The following ANKRD18B variants were observed in gnomAD, a reference collection of about 807,000 sequenced individuals.
The protein encoded by ANKRD18B is ankyrin repeat domain 18B.
ANKRD18B carries 75 observed loss-of-function variants against 111.8 expected under a neutral mutation model. The ratio of observed to expected loss-of-function variants is 0.67; its 90% CI spans 0.56 to 0.81. ANKRD18B has a LOEUF of 0.81. Ranked by LOEUF, ANKRD18B falls within the 40% of genes least tolerant of loss-of-function variation. The pLI is 0.00. For synonymous variants in ANKRD18B, 356 were observed against 417.3 expected, an observed-to-expected ratio of 0.85 and a Z score of 1.79; for missense variants, 1,038 against 1,225.5, an observed-to-expected ratio of 0.85 and a Z score of 2.28.
chr9:33,532,524 G>A (rs1163900205), intron 3 of ANKRD18B, among the ~76,000 whole-genome samples: 6 of 152,064 alleles, frequency 3.9e-5, no homozygotes, highest in Non-Finnish European at 7.4e-5. Context: ...ATTTTCACTG[G>A]TCTCTCTTAC....
intron 3 of ANKRD18B, among the ~76,000 whole-genome samples, chr9:33,532,195 C>T (rs1405691285): frequency 1.3e-5 from 2 of 151,998 alleles, no homozygotes; most frequent in Non-Finnish European, 2.9e-5. Flanking sequence ...GATCATGCCA[C>T]TGCACTCCAG....
intron 14 of ANKRD18B, among the ~76,000 whole-genome samples, chr9:33,564,505 G>C (rs1327797110): frequency 6.6e-6 from 1 of 152,232 alleles, no homozygotes; most frequent in Non-Finnish European, 1.5e-5. Context: ...CAGTAAACAT[G>C]TGAGGAAAAG....
intron 12 of ANKRD18B, among the ~76,000 whole-genome samples, 199 bp downstream of exon 12, chr9:33,550,778 T>C (rs1828435283): frequency 6.6e-6 from 1 of 152,204 alleles, no homozygotes; most frequent in Non-Finnish European, 1.5e-5. Context: ...AATAATTGCA[T>C]ATGTTTTCTC....
At chr9:33,567,588 A>G (rs1337969618) in intron 16 of ANKRD18B, among the ~76,000 whole-genome samples, 6 of 152,060 alleles carry the variant, frequency 3.9e-5, no homozygotes, top group African/African-American at 1.4e-4. Flanking sequence ...TTCACTAAGT[A>G]TTTTTGAAGC....
intron 14 of ANKRD18B, among the ~76,000 whole-genome samples, chr9:33,562,340 C>T (rs915708710): frequency 6.6e-6 from 1 of 151,486 alleles, no homozygotes; most frequent in Non-Finnish European, 1.5e-5. Context: ...TTCACAGATC[C>T]TCTTTCCACC....
At chr9:33,542,582 C>T (rs1828295948) in intron 9 of ANKRD18B, among the ~76,000 whole-genome samples, 2 of 152,008 alleles carry the variant, frequency 1.3e-5, no homozygotes, top group African/African-American at 4.8e-5. Flanking sequence ...ACTATGGTCT[C>T]TGGGCTGGTC....
intron 15 of ANKRD18B, 163 bp from the exon 16 acceptor site, chr9:33,566,940 G>A (rs1427801098): frequency 1.1e-5 from 7 of 651,762 alleles, no homozygotes; most frequent in East Asian, 3.0e-5. Flanking sequence ...TCTGAATTCA[G>A]TTATTAGTTT....
chr9:33,543,098 A>G, intron 9 of ANKRD18B, 87 bp from the exon 10 acceptor site: 1 of 1,177,310 alleles, frequency 8.5e-7, no homozygotes, highest in Non-Finnish European at 1.2e-6. Flanking sequence ...TTATAAAAGA[A>G]AAGTGTGTGT....
Position 33,548,670 on chromosome 9 carries a change from G to A in ANKRD18B, c.1882G>A (p.Glu628Lys), listed in dbSNP as rs1417354750. ...RQRELENLLL[E>K]RQLEDARKEG... Reference sequence around the variant, plus strand: ...ACGAGAACTTGAAAATCTCTTGCTTGAACGACAACTAGAGGATGCTCGTAA... The same window carrying A: ...ACGAGAACTTGAAAATCTCTTGCTTAAACGACAACTAGAGGATGCTCGTAA... Residue 628 changes from glutamate to lysine, a missense_variant, in exon 11 of 19, where the codon GAA becomes AAA. Around this residue, in one of 4 missense-constraint regions of ANKRD18B, gnomAD observed 524 missense variants for 677.9 expected, o/e 0.77. Transcript: ENST00000684830. 13 of 1,551,088 alleles carry A rather than the reference G, an allele frequency of 8.4e-6. No individual in the cohort carries two copies. Among genetic ancestry groups the A allele is most frequent in the Non-Finnish European group, 1.1e-5 (13 of 1,146,674 alleles).
intron 10 of ANKRD18B, among the ~76,000 whole-genome samples, chr9:33,545,504 A>G (rs1259402754): frequency 6.6e-6 from 1 of 152,226 alleles, no homozygotes; most frequent in Non-Finnish European, 1.5e-5. Context: ...GAAAACCAAT[A>G]CATCGCTTGT....
chr9:33,550,045 A>G (rs138787645), intron 11 of ANKRD18B, among the ~76,000 whole-genome samples: 6,400 of 152,138 alleles, frequency 0.042, 186 homozygotes, highest in South Asian at 0.067. Flanking sequence ...GTAGGAGCTG[A>G]GGTCAGGGAG....
chr9:33,572,368 T>G lies in ANKRD18B; in HGVS notation c.3276T>G (p.Thr1092=). 1 of 1,610,992 alleles carries G rather than the reference T, an allele frequency of 6.2e-7. No homozygotes were observed. Among genetic ancestry groups the G allele is most frequent in the South Asian group, 1.1e-5 (1 of 90,806 alleles). The change falls in exon 19 of 19, where the codon ACT becomes ACG. Residue 1092 remains threonine, a synonymous_variant. Transcript: ENST00000684830. Reference sequence around the variant, plus strand: ...ATCTACTTTCTTCTCTAGAATCCACTGGTAAGCCACATCTAATGAAGAGAA... The same window carrying G: ...ATCTACTTTCTTCTCTAGAATCCACGGGTAAGCCACATCTAATGAAGAGAA... ...CSYLLSSLES[T]GKPHLMKRIF...
chr9:33,574,745 GAC>G (rs1381833742), downstream of ANKRD18B, among the ~76,000 whole-genome samples: 1 of 151,756 alleles, frequency 6.6e-6, no homozygotes, highest in African/African-American at 2.4e-5. Context: ...CATATGTACA[GAC>G]ACACACAAAC....
intron 17 of ANKRD18B, chr9:33,569,162 G>A: frequency 3.5e-6 from 1 of 281,884 alleles, no homozygotes. Context: ...GCATTTGTTA[G>A]GTTTTAAAAA....
Position 33,548,285 on chromosome 9 carries a change from T to C in ANKRD18B, c.1497T>C (p.Thr499=). The change falls in exon 11 of 19, where the codon ACT becomes ACC. Residue 499 remains threonine (T), a synonymous_variant. Coordinates refer to ENST00000684830, the MANE Select transcript of ANKRD18B (RefSeq NM_001393611.1). ...AATCCCTCCATTCTAACTTGGCCAC[T>C]GCTATAAATGAGTACAATGAAATTT... The part of the protein sequence containing the change: ...EVESLHSNLA[T]AINEYNEILE... 6.4e-7 allele frequency: 1 copy of C among 1,550,882 alleles called. No individual in the cohort carries two copies. The highest frequency in any genetic ancestry group is 8.7e-7 in the Non-Finnish European group (1 of 1,146,632).
intron 6 of ANKRD18B, among the ~76,000 whole-genome samples, chr9:33,537,597 G>A (rs1038398450): frequency 2.3e-4 from 35 of 152,138 alleles, no homozygotes; most frequent in African/African-American, 8.0e-4. Context: ...TATGCAAATG[G>A]ATCCTCTATT....
chr9:33,573,521 C>T (rs537580917), downstream of ANKRD18B, among the ~76,000 whole-genome samples: 46 of 145,124 alleles, frequency 3.2e-4, 8 homozygotes, highest in Non-Finnish European at 5.8e-4. Context: ...ATGGCATGTC[C>T]AGGCAGTGCC....
At chr9:33,573,480 C>T (rs568862085), downstream of ANKRD18B, among the ~76,000 whole-genome samples, 15 of 145,000 alleles carry the variant, frequency 1.0e-4, 1 homozygote, top group Non-Finnish European at 2.2e-4. Flanking sequence ...TCCCTCCCTT[C>T]CTCCCACTCT....
intron 14 of ANKRD18B, among the ~76,000 whole-genome samples, chr9:33,564,267 T>G (rs1828653136): frequency 6.6e-6 from 1 of 152,246 alleles, no homozygotes; most frequent in African/African-American, 2.4e-5. Context: ...CAGCCCTCAA[T>G]TTTTCTTTAG....
Sources: gnomAD v4.1 joint callset for allele counts (sites outside exome capture counted in the v4.1 genomes callset) on GRCh38, gnomAD v4.1.1 for gene constraint, gnomAD v4.1.1 regional missense constraint, MANE v1.5 for transcripts, NCBI Gene and HGNC (gene_info 2026-07-23, HGNC 2026-07-21) for gene names.